The following PLCG2 variants were observed in gnomAD, a reference collection of about 807,000 sequenced individuals.
PLCG2 encodes 1-phosphatidylinositol 4,5-bisphosphate phosphodiesterase gamma-2.
In PLCG2, 69 loss-of-function variants were observed where a neutral mutation model predicts 175.6. The ratio of observed to expected loss-of-function variants is 0.39; its 90% CI spans 0.32 to 0.48. The LOEUF is 0.48. Among genes scored for constraint, PLCG2 ranks in the 20% least tolerant of loss-of-function variants. PLCG2 has a pLI of 0.91. For missense variants in PLCG2, 1,798 were observed against 1,650.9 expected (o/e 1.09, Z -1.54); for synonymous variants, 827 against 624.0 (o/e 1.33, Z -4.85).
intron 17 of PLCG2, among the ~76,000 whole-genome samples, chr16:81,909,253 C>G (rs1460763719): frequency 6.6e-6 from 1 of 152,114 alleles, no homozygotes; most frequent in Non-Finnish European, 1.5e-5. Context: ...TGCAATGAAA[C>G]AAGGCAACAT....
chr16:81,855,300 G>A (rs7185362), intron 3 of PLCG2, among the ~76,000 whole-genome samples: 40,196 of 151,810 alleles, frequency 0.26, 5,741 homozygotes, highest in Non-Finnish European at 0.32. Context: ...GAGATCTTCT[G>A]TTGCACACAC....
chr16:81,796,349 A>G (rs2143222646), intron 2 of PLCG2, among the ~76,000 whole-genome samples: 1 of 152,294 alleles, frequency 6.6e-6, no homozygotes, highest in East Asian at 1.9e-4. Context: ...CCCCTGAGAG[A>G]GAGGCCTCCT....
intron 15 of PLCG2, chr16:81,906,477 T>A (rs147808808): frequency 6.6e-6 from 1 of 152,302 alleles, no homozygotes; most frequent in Non-Finnish European, 1.5e-5. Context: ...CTGGCTGGAG[T>A]GTGGTGGTAC....
At chr16:81,932,123 C>G (rs2143715109) in intron 25 of PLCG2, among the ~76,000 whole-genome samples, 2 of 152,276 alleles carry the variant, frequency 1.3e-5, no homozygotes, top group African/African-American at 4.8e-5. Context: ...AACTTCCCCT[C>G]TAGATGGGAG....
upstream of PLCG2, among the ~76,000 whole-genome samples, chr16:81,774,982 G>A (rs2143118207): frequency 6.6e-6 from 1 of 152,290 alleles, no homozygotes. Flanking sequence ...CTGGGCTCAA[G>A]TGGTCCACCC....
intron 2 of PLCG2, among the ~76,000 whole-genome samples, chr16:81,756,271 A>T (rs993399895): frequency 6.6e-6 from 1 of 152,244 alleles, no homozygotes; most frequent in East Asian, 1.9e-4. Flanking sequence ...CCTTTCAGAT[A>T]GGGCTTCCTG....
chr16:81,833,374 G>A lies in PLCG2; in HGVS notation c.194-21070G>A, dbSNP rs77638496. On this transcript the variant is annotated intron_variant, in intron 2 of 32. Transcript: ENST00000564138. ...TTTTTCCTGGACTGTGGCTCCGGTC[G>A]GTACACGGGTCCTGAGCCAGTATTC... Among the ~76,000 whole-genome samples the A allele has an allele frequency of 8.6e-3, 1,308 of 152,068 alleles. 19 individuals carry two copies. The highest frequency in any genetic ancestry group is 0.03 in the African/African-American group (1,248 of 41,442).
chr16:81,863,363 T>C (rs1907077174), intron 5 of PLCG2, among the ~76,000 whole-genome samples: 1 of 152,266 alleles, frequency 6.6e-6, no homozygotes, highest in Non-Finnish European at 1.5e-5. Context: ...ATCTGTGTTG[T>C]AGCATGTGTT....
intron 13 of PLCG2, chr16:81,898,225 A>G (rs1908983338): frequency 5.5e-6 from 1 of 180,958 alleles, no homozygotes; most frequent in Admixed American, 5.9e-5. Flanking sequence ...TCTAACACCT[A>G]TAGGGCTAGA....
At chr16:81,943,193 C>T (rs184391285) in intron 30 of PLCG2, among the ~76,000 whole-genome samples, 4 of 152,290 alleles carry the variant, frequency 2.6e-5, no homozygotes, top group Admixed American at 1.3e-4. Flanking sequence ...TGTATTAGTC[C>T]GTTCTCACAC....
chr16:81,858,253 T>G lies in PLCG2; in HGVS notation c.338-10T>G. ...TAACACAGCATTTCTGTTCCCTTTC[T>G]CCACTCCAGCTGACTCTAAAGAGGA... On this transcript the variant is annotated splice_polypyrimidine_tract_variant and intron_variant, in intron 3 of 32. Coordinates refer to ENST00000564138, the MANE Select transcript of PLCG2 (RefSeq NM_002661.5). The G allele has an allele frequency of 1.3e-6, 2 of 1,592,164 alleles. No individual in the cohort carries two copies. Among genetic ancestry groups the G allele is most frequent in the Non-Finnish European group, 1.7e-6 (2 of 1,160,008 alleles).
chr16:81,868,016 C>A (rs62046682), intron 5 of PLCG2, among the ~76,000 whole-genome samples: 35,870 of 152,130 alleles, frequency 0.24, 4,477 homozygotes, highest in Non-Finnish European at 0.28. Flanking sequence ...CTTCCCGCTT[C>A]AGCTGAACCT....
At chr16:81,868,619 G>C (rs1290718062) in intron 5 of PLCG2, among the ~76,000 whole-genome samples, 1 of 152,220 alleles carries the variant, frequency 6.6e-6, no homozygotes, top group African/African-American at 2.4e-5. Flanking sequence ...AGTTACTCCT[G>C]ATGTTTACCC....
At chr16:81,780,802 T>A (rs1415638960) in intron 1 of PLCG2, among the ~76,000 whole-genome samples, 2 of 152,156 alleles carry the variant, frequency 1.3e-5, no homozygotes, top group African/African-American at 2.4e-5. Context: ...CGAGCTGGGC[T>A]GATCACTTGA....
At chr16:81,938,941 G>T in intron 29 of PLCG2, 26 bp downstream of exon 29, 2 of 1,327,018 alleles carry the variant, frequency 1.5e-6, no homozygotes, top group Non-Finnish European at 2.2e-6. Flanking sequence ...TGGCCCCTCT[G>T]CTTTTAAACG....
At chr16:81,799,776 G>T (rs569012880) in intron 2 of PLCG2, among the ~76,000 whole-genome samples, 22 of 151,904 alleles carry the variant, frequency 1.4e-4, no homozygotes, top group Admixed American at 3.9e-4. Flanking sequence ...TGTATTTTTA[G>T]TGGAGATGGG....
chr16:81,792,424 T>G (rs1385343332), intron 2 of PLCG2, among the ~76,000 whole-genome samples: 1 of 129,918 alleles, frequency 7.7e-6, no homozygotes, highest in Non-Finnish European at 1.5e-5. Context: ...GAGGCTGCAG[T>G]GAGCCGAGAT....
At chr16:81,833,450 C>T (rs907900904) in intron 2 of PLCG2, among the ~76,000 whole-genome samples, 1 of 151,602 alleles carries the variant, frequency 6.6e-6, no homozygotes, top group Non-Finnish European at 1.5e-5. Context: ...CCTGGAAGCC[C>T]CTGGCCTCTC....
At chr16:81,774,222 C>A (rs375135381) in intron 2 of PLCG2, among the ~76,000 whole-genome samples, 1 of 142,448 alleles carries the variant, frequency 7.0e-6, no homozygotes, top group Non-Finnish European at 1.5e-5. Flanking sequence ...TGGTGATGCA[C>A]GCCTGTAGTC....
Sources: gnomAD v4.1 joint callset for allele counts (sites outside exome capture counted in the v4.1 genomes callset) on GRCh38, gnomAD v4.1.1 for gene constraint, MANE v1.5 for transcripts, NCBI Gene and HGNC (gene_info 2026-07-23, HGNC 2026-07-21) for gene names.